The following CCNE2 variants were observed in gnomAD, a reference collection of about 807,000 sequenced individuals.
The protein encoded by CCNE2 is cyclin E2, also known as G1/S-specific cyclin-E2.
In CCNE2, 18 loss-of-function variants were observed where a neutral mutation model predicts 56.8. The observed-to-expected ratio is 0.32, with a 90% CI of 0.22 to 0.47. The LOEUF (loss-of-function observed/expected upper bound fraction) is 0.47. CCNE2 is among the 20% of genes least tolerant of loss of function. CCNE2 has a pLI of 1.00. For synonymous variants in CCNE2, 139 were observed against 149.2 expected (o/e 0.93, Z 0.50); for missense variants, 371 against 467.1 (o/e 0.79, Z 1.90).
At position 94,882,221 on chromosome 8, in the gene CCNE2, T is replaced by C. The variant is rs767917366; in HGVS notation, c.1012A>G (p.Thr338Ala). 2.6e-5 allele frequency: 42 copies of C among 1,613,012 alleles called. No individual in the cohort carries two copies. Among genetic ancestry groups the C allele is most frequent in the Non-Finnish European group, 3.3e-5 (39 of 1,179,430 alleles). The part of the protein sequence containing the change: ...MVPFVNVVKS[T>A]SPVKLKTFKK... ...AAAGTCTTCAGCTTCACTGGACTAGTACTTTTTACTACATTGACAAAAGGT... is the reference window on the plus strand; with the variant it reads ...AAAGTCTTCAGCTTCACTGGACTAGCACTTTTTACTACATTGACAAAAGGT... Residue 338 changes from threonine (T) to alanine (A), a missense_variant, in exon 11 of 12, where the codon ACT becomes GCT. Coordinates refer to ENST00000308108, the MANE Select transcript of CCNE2 (RefSeq NM_057749.3).
At chr8:94,886,012 A>C (rs1484993951) in intron 7 of CCNE2, among the ~76,000 whole-genome samples, 1 of 152,094 alleles carries the variant, frequency 6.6e-6, no homozygotes, top group African/African-American at 2.4e-5. Flanking sequence ...ACCTGGCCAG[A>C]AAGTGCACTT....
chr8:94,884,034 A>T, intron 9 of CCNE2: 1 of 328,138 alleles, frequency 3.0e-6, no homozygotes, highest in Non-Finnish European at 6.5e-6. Flanking sequence ...GCCTAGGACA[A>T]TTTGGGATGC....
Position 94,890,382 on chromosome 8 carries a change from G to A in CCNE2, c.453+33C>T, listed in dbSNP as rs376002595. On this transcript the variant is annotated intron_variant, in intron 6 of 11. Transcript: ENST00000308108. ...CAGCTAAATATGTTTCCATCATACA[G>A]AGACAAAGGAAATTTGTATTGCTGT... is the stretch of plus-strand genomic sequence containing the variant. 3 of 1,529,300 alleles carry A rather than the reference G, an allele frequency of 2.0e-6. No individual in the cohort carries two copies. The African/African-American group carries it at 4.2e-5, about 22-fold the overall frequency. The allele number at this position is 1,529,300 out of a possible 1,614,324, so 94.7% of individuals were successfully genotyped here.
At chr8:94,895,205 T>G (rs946803679), upstream of CCNE2, 3 of 985,790 alleles carry the variant, frequency 3.0e-6, no homozygotes, top group Non-Finnish European at 2.4e-6. Context: ...TCGGCTCAGC[T>G]GGCGCCGGCG....
intron 6 of CCNE2, 131 bp downstream of exon 6, chr8:94,890,283 AG>A: frequency 1.5e-6 from 1 of 686,820 alleles, no homozygotes; most frequent in Non-Finnish European, 2.3e-6. Flanking sequence ...AATCAACTAC[AG>A]TAAGTACCTC....
Position 94,891,876 on chromosome 8 carries a change from T to C in CCNE2, c.317+942A>G, listed in dbSNP as rs1394568194. ...GTAATGCTGAACTTAAGAGTTTAGA[T>C]GTAGATTCTCTGGTCATTGAGCATC... On this transcript the variant is annotated intron_variant, in intron 5 of 11. Transcript: ENST00000308108. 3.0e-5 allele frequency: 43 copies of C among 1,451,700 alleles called. 1 individual carries two copies. Among genetic ancestry groups the C allele is most frequent in the Non-Finnish European group, 2.9e-5 (31 of 1,051,828 alleles). 89.9% of individuals were successfully genotyped at this position (1,451,700 alleles called of 1,614,324 possible).
intron 7 of CCNE2, among the ~76,000 whole-genome samples, chr8:94,886,109 A>G (rs1406748902): frequency 3.3e-5 from 5 of 152,148 alleles, no homozygotes; most frequent in Non-Finnish European, 5.9e-5. Context: ...TTCAACCATC[A>G]TAAAGTCAAA....
Position 94,887,993 on chromosome 8 carries a change from C to G in CCNE2, c.534G>C (p.Lys178Asn). The change falls in exon 7 of 12, where the codon AAG (lysine) becomes AAC (asparagine). Residue 178 changes from lysine (K) to asparagine (N), a missense_variant. Physicochemically the swap from Lys to Asn is moderately conservative, Grantham distance 94. Coordinates refer to ENST00000308108, the MANE Select transcript of CCNE2 (RefSeq NM_057749.3). ...GTTGAAGCATATTTTTATTTATATC[C>G]TTTTGTGTCAACATAAATCTATCAA... ...DFFDRFMLTQ[K>N]DINKNMLQLI... The G allele has an allele frequency of 1.9e-6, 3 of 1,594,396 alleles. No homozygotes were observed. The highest frequency in any genetic ancestry group is 2.6e-6 in the Non-Finnish European group (3 of 1,168,540).
intron 9 of CCNE2, among the ~76,000 whole-genome samples, chr8:94,884,126 C>G (rs28399578): frequency 0.012 from 1,750 of 152,166 alleles, 34 homozygotes; most frequent in African/African-American, 0.04. Context: ...AGTGGTTATC[C>G]AATTTGAGTA....
intron 1 of CCNE2, chr8:94,894,712 G>C (rs1817402322): frequency 6.4e-6 from 1 of 155,502 alleles, no homozygotes; most frequent in Non-Finnish European, 1.4e-5. Context: ...AGGGGGCGGA[G>C]GAACCAAGAC....
Position 94,885,563 on chromosome 8 carries a change from A to G in CCNE2, c.601-5T>C. ...GAGTTTAGGAGCATAGATTTCCTTT[A>G]AATTGTAATATTTTTATTGAGTACA... is the stretch of plus-strand genomic sequence containing the variant. On this transcript the variant is annotated splice_polypyrimidine_tract_variant and splice_region_variant and intron_variant, in intron 7 of 11. Transcript: ENST00000308108. 1 of 1,537,894 alleles carries G rather than the reference A, an allele frequency of 6.5e-7. No homozygotes were observed. The highest frequency in any genetic ancestry group is 8.9e-7 in the Non-Finnish European group (1 of 1,118,530).
rs1431517975 is a variant in CCNE2, at chr8:94,882,161, G to A, written c.1072C>T (p.Gln358Ter). ...KIPMEDRHNI[Q>*]THTNYLAMLE... Reference sequence around the variant, plus strand: ...ATAGCCAAATAGTTTGTATGTGTCTGGATATTATGTCTGTCTTCCATAGGA... The same window carrying A: ...ATAGCCAAATAGTTTGTATGTGTCTAGATATTATGTCTGTCTTCCATAGGA... The change falls in exon 11 of 12, where the codon CAG (glutamine) becomes TAG (stop). Residue 358 changes from glutamine (Q) to a stop codon, truncating the protein, a stop_gained. Coordinates refer to ENST00000308108, the MANE Select transcript of CCNE2 (RefSeq NM_057749.3). LOFTEE classifies it high-confidence loss of function. 1 of 1,612,404 alleles carries A rather than the reference G, an allele frequency of 6.2e-7. No individual in the cohort carries two copies. The highest frequency in any genetic ancestry group is 8.5e-7 in the Non-Finnish European group (1 of 1,179,418).
intron 7 of CCNE2, 34 bp from the exon 8 acceptor site, chr8:94,885,592 G>T: frequency 7.8e-7 from 1 of 1,284,970 alleles, no homozygotes; most frequent in Non-Finnish European, 1.1e-6. Flanking sequence ...GAGTACAATT[G>T]AGATAGAAAT....
chr8:94,880,382 A>G lies in CCNE2; in HGVS notation c.*1250T>C. 1 of 533,336 alleles carries G rather than the reference A, an allele frequency of 1.9e-6. No individual in the cohort carries two copies. Among genetic ancestry groups the G allele is most frequent in the Non-Finnish European group, 3.3e-6 (1 of 298,768 alleles). The allele number at this position is 533,336 out of a possible 1,614,324, so 33.0% of individuals were successfully genotyped here. The stretch of plus-strand genomic sequence containing the variant: ...CTGAAACAAATATTAGTTTAAAAAC[A>G]AACTATACAGAAGACTTCATACCGT... On this transcript the variant is annotated 3_prime_UTR_variant, in exon 12 of 12. Transcript: ENST00000308108.
Position 94,881,404 on chromosome 8 carries a change from G to GAC in CCNE2, c.*226_*227dup. ...TCTATCCAGTAACCTTGGGAATGAA[G>GAC]ACATCTTTGTAAACAAGTCCTGCTG... is the stretch of plus-strand genomic sequence containing the variant. On this transcript the variant is annotated 3_prime_UTR_variant, in exon 12 of 12. Transcript: ENST00000308108. The GAC allele has an allele frequency of 3.8e-6, 2 of 532,234 alleles. No individual in the cohort carries two copies. The highest frequency in any genetic ancestry group is 6.1e-5 in the East Asian group (2 of 32,638). The allele number at this position is 532,234 out of a possible 1,614,324, so 33.0% of individuals were successfully genotyped here.
chr8:94,881,913 C>A, intron 11 of CCNE2, 168 bp from the exon 12 acceptor site: 2 of 899,828 alleles, frequency 2.2e-6, no homozygotes, highest in South Asian at 3.8e-5. Flanking sequence ...ATTTTTTAAA[C>A]TCTTTATCTA....
chr8:94,894,229 T>C lies in CCNE2; in HGVS notation c.-8A>G, dbSNP rs763103275. 1.2e-6 allele frequency: 2 copies of C among 1,613,880 alleles called. No individual in the cohort carries two copies. Among genetic ancestry groups the C allele is most frequent in the Non-Finnish European group, 1.7e-6 (2 of 1,179,998 alleles). ...TTACCTTCGTCTTGACATTCTCTTCTTTCAGGTGTATAAAACCTCTGAAGG... is the reference window on the plus strand; with the variant it reads ...TTACCTTCGTCTTGACATTCTCTTCCTTCAGGTGTATAAAACCTCTGAAGG... On this transcript the variant is annotated 5_prime_UTR_variant, in exon 2 of 12. Coordinates refer to ENST00000308108, the MANE Select transcript of CCNE2 (RefSeq NM_057749.3).
At chr8:94,895,839 C>G (rs34208552), upstream of CCNE2, 96,480 of 153,312 alleles carry the variant, frequency 0.63, 30,955 homozygotes, top group East Asian at 0.79. Flanking sequence ...GCTCTGCTCT[C>G]CCCAGTCCCG....
intron 5 of CCNE2, chr8:94,891,659 CAAAAAAAAA>C (rs34021439): frequency 7.6e-6 from 2 of 263,372 alleles, no homozygotes; most frequent in Non-Finnish European, 1.4e-5. Context: ...CCTCTGTCTC[CAAAAAAAAA>C]AAAAAAAAAA....
Sources: allele counts gnomAD v4.1 joint callset (sites outside exome capture counted in the v4.1 genomes callset), GRCh38; gene constraint gnomAD v4.1.1; transcripts MANE v1.5; gene names NCBI Gene and HGNC (gene_info 2026-07-23, HGNC 2026-07-21).